SGCE: variants seen among roughly 807,000 people sequenced by gnomAD.
The protein encoded by SGCE is sarcoglycan epsilon.
A neutral mutation model predicts 57.8 loss-of-function variants in SGCE; 26 were observed. The observed-to-expected ratio is 0.45, with a 90% CI of 0.33 to 0.62. SGCE has a LOEUF of 0.62. Among genes scored for constraint, SGCE ranks in the 20% least tolerant of loss-of-function variants. SGCE has a pLI of 0.02. For missense variants in SGCE, 468 were observed against 548.6 expected (o/e 0.85, Z 1.47); for synonymous variants, 183 against 189.5 (o/e 0.97, Z 0.28).
Position 94,645,792 on chromosome 7 carries a change from A to T in SGCE, c.109+10198T>A, listed in dbSNP as rs11973272. On this transcript the variant is annotated intron_variant, in intron 1 of 10. Transcript: ENST00000648936. Reference sequence around the variant, plus strand: ...TTAGAAGAATGCCTAGCATATAATGATGTCCCCCAAAAATGAAAACTATTA... The same window carrying T: ...TTAGAAGAATGCCTAGCATATAATGTTGTCCCCCAAAAATGAAAACTATTA... Among the ~76,000 whole-genome samples, 558 of 152,288 alleles carry T rather than the reference A, an allele frequency of 3.7e-3. 5 individuals are homozygous for T. The highest frequency in any genetic ancestry group is 0.013 in the African/African-American group (544 of 41,548).
At chr7:94,588,247 C>G (rs1356580521) in intron 10 of SGCE, 1 of 1,038,204 alleles carries the variant, frequency 9.6e-7, no homozygotes, top group Non-Finnish European at 1.2e-6. Flanking sequence ...GCTTTAAAAC[C>G]AGGCCAGCCA....
intron 1 of SGCE, among the ~76,000 whole-genome samples, chr7:94,650,395 G>A (rs1180146309): frequency 6.6e-6 from 1 of 152,038 alleles, no homozygotes; most frequent in African/African-American, 2.4e-5. Flanking sequence ...AGAAATTCCA[G>A]GAAAGAGTAA....
chr7:94,632,531 A>G (rs970722565), intron 1 of SGCE, among the ~76,000 whole-genome samples: 1 of 152,086 alleles, frequency 6.6e-6, no homozygotes. Flanking sequence ...AGGCTGCTTC[A>G]CTTTAAGTAT....
chr7:94,651,761 T>C (rs1304495113), intron 1 of SGCE, among the ~76,000 whole-genome samples: 2 of 152,164 alleles, frequency 1.3e-5, no homozygotes, highest in Non-Finnish European at 2.9e-5. Flanking sequence ...GGTTACAGAA[T>C]TTAAAACACT....
Position 94,600,751 on chromosome 7 carries a change from C to G in SGCE, c.932G>C (p.Arg311Thr). 6.2e-7 allele frequency: 1 copy of G among 1,613,794 alleles called. No homozygotes were observed. The highest frequency in any genetic ancestry group is 1.7e-5 in the Admixed American group (1 of 59,962). The change falls in exon 7 of 11, where the codon AGA becomes ACA. Residue 311 changes from arginine (R) to threonine (T), a missense_variant. By Grantham distance (71) the Arg-to-Thr change is moderately conservative (BLOSUM62 -1). Transcript: ENST00000648936. ...YKPPSDSLKS[R>T]DYYTDFLITL... ...AATTAGGAAATCCGTGTAATAGTCTCTGCTTTTCAAAGAATCAGAAGGGGG... is the reference window on the plus strand; with the variant it reads ...AATTAGGAAATCCGTGTAATAGTCTGTGCTTTTCAAAGAATCAGAAGGGGG...
rs182811722 is a variant in SGCE, at chr7:94,585,035, C to T, written c.*464G>A. On this transcript the variant is annotated 3_prime_UTR_variant, in exon 11 of 11. Transcript: ENST00000648936. The stretch of plus-strand genomic sequence containing the variant: ...TATATAAAACAACAGGATTTACAGG[C>T]CACAAGAGTTAAAGTATTATTTAAA... 6.4e-6 allele frequency: 1 copy of T among 156,928 alleles called. No individual in the cohort carries two copies. Among genetic ancestry groups the T allele is most frequent in the East Asian group, 1.8e-4 (1 of 5,452 alleles). 9.7% of individuals were successfully genotyped at this position (156,928 alleles called of 1,614,324 possible). A position where few individuals can be genotyped will look rare whatever the true frequency, so the allele number is the denominator to read the frequency against.
chr7:94,604,789 A>C (rs1799794466), intron 5 of SGCE, among the ~76,000 whole-genome samples: 2 of 99,572 alleles, frequency 2.0e-5, no homozygotes, highest in Admixed American at 1.2e-4. Context: ...ATTATTTTTT[A>C]TAACTAATGG....
intron 10 of SGCE, chr7:94,587,666 G>A (rs1797082948): frequency 6.6e-7 from 1 of 1,521,364 alleles, no homozygotes; most frequent in African/African-American, 1.4e-5. Context: ...ATATTGAACA[G>A]TCTTGTTGAA....
intron 5 of SGCE, chr7:94,617,224 G>A (rs1802065315): frequency 6.6e-6 from 1 of 152,214 alleles, no homozygotes; most frequent in Admixed American, 6.5e-5. Flanking sequence ...GCTAGACATA[G>A]TTGGAAAGCA....
intron 9 of SGCE, among the ~76,000 whole-genome samples, chr7:94,590,304 C>A (rs1020326820): frequency 6.6e-6 from 1 of 152,046 alleles, no homozygotes; most frequent in Admixed American, 6.6e-5. Context: ...AACCACCTTC[C>A]TATGCATCCT....
intron 5 of SGCE, among the ~76,000 whole-genome samples, chr7:94,612,596 T>C (rs919466092): frequency 4.6e-5 from 7 of 152,176 alleles, no homozygotes; most frequent in Non-Finnish European, 1.0e-4. Context: ...AAGTTATAAA[T>C]AATATTACAA....
At position 94,602,812 on chromosome 7, in the gene SGCE, C is replaced by G. The variant is rs539589093; in HGVS notation, c.825+478G>C. 7.0e-4 allele frequency among the ~76,000 whole-genome samples: 106 copies of G among 152,208 alleles called. 1 individual carries two copies. The highest frequency in any genetic ancestry group is 2.5e-3 in the African/African-American group (105 of 41,562). On this transcript the variant is annotated intron_variant, in intron 6 of 10. Transcript: ENST00000648936. ...GAATTATGGGTAAGATTCTAACTTTCTTCACTTGGAATTGTCTCTTGTTTC... is the reference window on the plus strand; with the variant it reads ...GAATTATGGGTAAGATTCTAACTTTGTTCACTTGGAATTGTCTCTTGTTTC...
chr7:94,605,838 T>A (rs1800037810), intron 5 of SGCE, among the ~76,000 whole-genome samples: 1 of 152,078 alleles, frequency 6.6e-6, no homozygotes, highest in African/African-American at 2.4e-5. Context: ...TTTTATTTTA[T>A]TTTTATTTTA....
At chr7:94,634,993 A>G (rs752488256) in intron 1 of SGCE, among the ~76,000 whole-genome samples, 13 of 152,212 alleles carry the variant, frequency 8.5e-5, no homozygotes, top group Non-Finnish European at 1.6e-4. Flanking sequence ...AAACGAAGAG[A>G]TCTATGGATT....
intron 4 of SGCE, 62 bp from the exon 5 acceptor site, chr7:94,619,018 A>G (rs1802363642): frequency 8.2e-7 from 1 of 1,224,136 alleles, no homozygotes; most frequent in Admixed American, 1.7e-5. Context: ...AAAGGAAACA[A>G]AAGAACAATT....
chr7:94,590,892 C>T (rs565281031), intron 9 of SGCE: 16 of 152,156 alleles, frequency 1.1e-4, no homozygotes, highest in African/African-American at 3.1e-4. Flanking sequence ...GAAAACAGTG[C>T]GTGCTAGTTA....
intron 9 of SGCE, chr7:94,589,753 C>A: frequency 5.5e-6 from 1 of 183,062 alleles, no homozygotes. Flanking sequence ...TGTCCCCCAT[C>A]ACCCCCTGAT....
chr7:94,620,778 T>A (rs1455428885), intron 4 of SGCE: 3 of 152,366 alleles, frequency 2.0e-5, no homozygotes, highest in Non-Finnish European at 4.4e-5. Context: ...TTCTGAGACC[T>A]GCTGCAAAGC....
rs1174498655 is a variant in SGCE at position 94,585,156 on chromosome 7, T to C, written c.*343A>G. 1 of 239,750 alleles carries C rather than the reference T, an allele frequency of 4.2e-6. No individual in the cohort carries two copies. Among genetic ancestry groups the C allele is most frequent in the African/African-American group, 2.2e-5 (1 of 44,520 alleles). 14.9% of individuals were successfully genotyped at this position (239,750 alleles called of 1,614,324 possible). A position where few individuals can be genotyped will look rare whatever the true frequency, so the allele number is the denominator to read the frequency against. ...AATGAGAATGAACACATAAACCTGT[T>C]TCTAGCGATTAAAAGATTTCTACTA... On this transcript the variant is annotated 3_prime_UTR_variant, in exon 11 of 11. Transcript: ENST00000648936.
Sources: gnomAD v4.1 joint callset for allele counts (sites outside exome capture counted in the v4.1 genomes callset) on GRCh38, gnomAD v4.1.1 for gene constraint, MANE v1.5 for transcripts, NCBI Gene and HGNC (gene_info 2026-07-23, HGNC 2026-07-21) for gene names.